Variants in CES5A observed in about 807,000 individuals in gnomAD.
The protein encoded by CES5A is carboxylesterase 5A, also known as carboxylesterase 5.
A neutral mutation model predicts 62.9 loss-of-function variants in CES5A; 67 were observed. The ratio of observed to expected loss-of-function variants is 1.07; its 90% CI spans 0.88 to 1.31. CES5A has a LOEUF of 1.31. CES5A is among the 50% of genes most tolerant of loss of function. CES5A has a pLI of 0.00. For synonymous variants in CES5A, 296 were observed against 280.8 expected (o/e 1.05, Z -0.54); for missense variants, 748 against 708.5 (o/e 1.06, Z -0.63).
intron 9 of CES5A, among the ~76,000 whole-genome samples, chr16:55,853,855 G>T (rs2033179917): frequency 6.6e-6 from 1 of 152,204 alleles, no homozygotes; most frequent in Admixed American, 6.5e-5. Flanking sequence ...CTGGAAAGGT[G>T]TTGCAGCTCA....
intron 9 of CES5A, among the ~76,000 whole-genome samples, chr16:55,854,465 G>C (rs2033192402): frequency 6.7e-6 from 1 of 148,680 alleles, no homozygotes; most frequent in African/African-American, 2.5e-5. Context: ...TTCATCATCA[G>C]ACAGCTGCAA....
chr16:55,907,553 A>T (rs2034051165), intron 1 of CES5A, among the ~76,000 whole-genome samples: 1 of 152,212 alleles, frequency 6.6e-6, no homozygotes, highest in Non-Finnish European at 1.5e-5. Flanking sequence ...GTTAATGCTA[A>T]GAAACAGAAA....
chr16:55,947,724 G>A (rs1174263591), intron 2 of CES5A, among the ~76,000 whole-genome samples: 3 of 152,028 alleles, frequency 2.0e-5, no homozygotes, highest in Middle Eastern at 3.2e-3. Flanking sequence ...GAAGTGAGGG[G>A]AGGAGCCATG....
At chr16:55,943,007 T>G (rs561757854) in intron 2 of CES5A, among the ~76,000 whole-genome samples, 12 of 152,332 alleles carry the variant, frequency 7.9e-5, no homozygotes, top group African/African-American at 2.9e-4. Context: ...CCTGCGGGCT[T>G]GGAAGGTTGG....
intron 10 of CES5A, among the ~76,000 whole-genome samples, chr16:55,850,710 C>A (rs1419934773): frequency 3.9e-5 from 6 of 152,116 alleles, no homozygotes; most frequent in Non-Finnish European, 5.9e-5. Context: ...TTTGTTTGAA[C>A]GTCAGTTTTC....
chr16:55,876,492 G>A (rs1226119753), upstream of CES5A, among the ~76,000 whole-genome samples: 3 of 152,206 alleles, frequency 2.0e-5, no homozygotes, highest in Non-Finnish European at 2.9e-5. Flanking sequence ...GTGGATTTTG[G>A]AAAGGAGAAG....
At chr16:55,897,413 G>T (rs924946810) in intron 1 of CES5A, among the ~76,000 whole-genome samples, 1 of 152,280 alleles carries the variant, frequency 6.6e-6, no homozygotes, top group South Asian at 2.1e-4. Flanking sequence ...CTTCTAAGTG[G>T]CCCAGGCTCC....
intron 1 of CES5A, among the ~76,000 whole-genome samples, chr16:55,888,713 G>A (rs1313852135): frequency 6.6e-6 from 1 of 152,200 alleles, no homozygotes; most frequent in Non-Finnish European, 1.5e-5. Context: ...TTGCAAGCAT[G>A]TCACATTGAA....
At chr16:55,917,564 C>T (rs1402043938) in intron 1 of CES5A, among the ~76,000 whole-genome samples, 2 of 152,218 alleles carry the variant, frequency 1.3e-5, no homozygotes, top group African/African-American at 4.8e-5. Context: ...CAAATGCCTT[C>T]TACAGATCCT....
intron 6 of CES5A, among the ~76,000 whole-genome samples, chr16:55,862,042 C>T (rs1567328160): frequency 6.6e-6 from 1 of 152,134 alleles, no homozygotes. Context: ...TTTTCCCTGC[C>T]TCTATACCAA....
chr16:55,912,304 A>C (rs1460565721), intron 1 of CES5A, among the ~76,000 whole-genome samples: 2 of 152,230 alleles, frequency 1.3e-5, no homozygotes, highest in Non-Finnish European at 2.9e-5. Context: ...TTCCGACGAC[A>C]ACAGGTCTAT....
At chr16:55,854,418 A>G (rs2033191494) in intron 9 of CES5A, among the ~76,000 whole-genome samples, 1 of 151,750 alleles carries the variant, frequency 6.6e-6, no homozygotes. Flanking sequence ...CCACTGTATA[A>G]CTTATATCAT....
chr16:55,947,137 G>A (rs1355361423), intron 2 of CES5A, among the ~76,000 whole-genome samples: 1 of 152,208 alleles, frequency 6.6e-6, no homozygotes, highest in Admixed American at 6.5e-5. Flanking sequence ...GGAAGTTAGA[G>A]CTGGGCTTCA....
chr16:55,941,589 A>AT (rs1258899864), intron 2 of CES5A, among the ~76,000 whole-genome samples: 28 of 151,676 alleles, frequency 1.8e-4, no homozygotes, highest in African/African-American at 6.0e-4. Flanking sequence ...TCCCAGGAGG[A>AT]TTTTTTTTTA....
chr16:55,945,892 A>G (rs2034489650), intron 2 of CES5A, among the ~76,000 whole-genome samples: 1 of 152,076 alleles, frequency 6.6e-6, no homozygotes, highest in Non-Finnish European at 1.5e-5. Context: ...GCCTCCCTAC[A>G]GACCCATCAT....
At chr16:55,912,614 G>A (rs1167791784) in intron 1 of CES5A, among the ~76,000 whole-genome samples, 1 of 151,990 alleles carries the variant, frequency 6.6e-6, no homozygotes, top group East Asian at 1.9e-4. Flanking sequence ...AGGAGGAAGA[G>A]GAGGAAGAGA....
intron 1 of CES5A, among the ~76,000 whole-genome samples, chr16:55,890,506 T>C (rs1342883071): frequency 6.6e-6 from 1 of 152,050 alleles, no homozygotes; most frequent in Non-Finnish European, 1.5e-5. Flanking sequence ...AAGTAGGGAA[T>C]ACTTCCAAAC....
At chr16:55,862,187 T>C (rs1255379298) in intron 6 of CES5A, among the ~76,000 whole-genome samples, 2 of 152,214 alleles carry the variant, frequency 1.3e-5, no homozygotes, top group African/African-American at 2.4e-5. Flanking sequence ...GGCCCATTGC[T>C]GAACATCTGC....
At chr16:55,864,986 C>CAA (rs1161044768) in intron 5 of CES5A, among the ~76,000 whole-genome samples, 1 of 151,968 alleles carries the variant, frequency 6.6e-6, no homozygotes, top group East Asian at 1.9e-4. Context: ...GTGGGCGGAT[C>CAA]ACCTGAAGTC....
Sources: gnomAD v4.1 joint callset for allele counts (sites outside exome capture counted in the v4.1 genomes callset) on GRCh38, gnomAD v4.1.1 for gene constraint, MANE v1.5 for transcripts, NCBI Gene and HGNC (gene_info 2026-07-23, HGNC 2026-07-21) for gene names.